SESTD1: variants seen among roughly 807,000 people sequenced by gnomAD.
The protein encoded by SESTD1 is SEC14 domain and spectrin repeat-containing protein 1.
A neutral mutation model predicts 101.7 loss-of-function variants in SESTD1; 43 were observed. That is an observed-to-expected ratio of 0.42 (90% CI 0.33 to 0.55). The LOEUF is 0.55. SESTD1 is among the 20% of genes least tolerant of loss of function. SESTD1 has a pLI of 0.07. For synonymous variants in SESTD1, 283 were observed against 286.8 expected (o/e 0.99, Z 0.13); for missense variants, 647 against 815.1 (o/e 0.79, Z 2.51).
chr2:179,251,236 T>G (rs191722605), intron 1 of SESTD1, among the ~76,000 whole-genome samples: 4 of 152,292 alleles, frequency 2.6e-5, no homozygotes, highest in Admixed American at 2.6e-4. Context: ...AATTGGAGAA[T>G]AATGGCTGCC....
chr2:179,120,861 T>C (rs570959521), intron 13 of SESTD1, among the ~76,000 whole-genome samples: 2 of 152,306 alleles, frequency 1.3e-5, no homozygotes, highest in East Asian at 1.9e-4. Context: ...GAGGAAGACG[T>C]ACCCATATGT....
chr2:179,220,232 AC>A (rs1331959034), intron 1 of SESTD1, among the ~76,000 whole-genome samples: 3 of 152,058 alleles, frequency 2.0e-5, no homozygotes, highest in African/African-American at 7.2e-5. Context: ...ATTCTACCAA[AC>A]CCTTATCAAC....
intron 1 of SESTD1, among the ~76,000 whole-genome samples, chr2:179,229,748 CTTATATATAT>C (rs1407745761): frequency 1.4e-5 from 1 of 71,886 alleles, no homozygotes; most frequent in Non-Finnish European, 2.5e-5. Flanking sequence ...TTTGTAAGAA[CTTATATATAT>C]ATATATATAT....
chr2:179,183,806 G>T (rs1031268558), intron 2 of SESTD1, among the ~76,000 whole-genome samples: 3 of 147,950 alleles, frequency 2.0e-5, no homozygotes, highest in African/African-American at 7.5e-5. Flanking sequence ...TAGCAAGATT[G>T]CATGGAAAGA....
intron 13 of SESTD1, among the ~76,000 whole-genome samples, chr2:179,120,189 A>T (rs1168533287): frequency 6.6e-6 from 1 of 151,858 alleles, no homozygotes; most frequent in Admixed American, 6.6e-5. Context: ...TGATCATACC[A>T]CTGCACTCCA....
intron 1 of SESTD1, among the ~76,000 whole-genome samples, chr2:179,223,427 C>T (rs772741779): frequency 1.2e-4 from 18 of 151,580 alleles, no homozygotes; most frequent in Non-Finnish European, 2.5e-4. Context: ...ATTCATGATA[C>T]GTAAATTTCA....
Position 179,237,098 on chromosome 2 carries a change from T to C in SESTD1, c.-26+27401A>G, listed in dbSNP as rs79649728. Among the ~76,000 whole-genome samples the C allele has an allele frequency of 8.4e-3, 1,281 of 152,188 alleles. 10 individuals carry two copies. Among genetic ancestry groups the C allele is most frequent in the African/African-American group, 0.029 (1,194 of 41,536 alleles). The stretch of plus-strand genomic sequence containing the variant: ...ATTGCAAATGTTGCACTTGCCCTCC[T>C]TTCTAAGGGACAAATGAAATTATTT... On this transcript the variant is annotated intron_variant, in intron 1 of 17. Transcript: ENST00000428443.
intron 3 of SESTD1, among the ~76,000 whole-genome samples, chr2:179,178,406 G>C (rs1427164835): frequency 6.6e-6 from 1 of 152,156 alleles, no homozygotes; most frequent in Non-Finnish European, 1.5e-5. Flanking sequence ...TAGAGCAAGA[G>C]GATGGCTTGA....
At chr2:179,219,452 A>C (rs1006071759) in intron 1 of SESTD1, among the ~76,000 whole-genome samples, 1 of 152,362 alleles carries the variant, frequency 6.6e-6, no homozygotes, top group East Asian at 1.9e-4. Context: ...GTAGACACAA[A>C]ATGGCAATGA....
At position 179,102,261 on chromosome 2, in the gene SESTD1, C is replaced by A. The variant is rs991221690; in HGVS notation, c.*7638G>T. On this transcript the variant is annotated 3_prime_UTR_variant, in exon 18 of 18. Coordinates refer to ENST00000428443, the MANE Select transcript of SESTD1 (RefSeq NM_178123.5). ...GCAGAAGCCTCTGTCTTCTAAGACT[C>A]CAGGTTATTTCAGAATATACAAGTT... The A allele has an allele frequency of 2.0e-5, 3 of 152,026 alleles. No homozygotes were observed. Among genetic ancestry groups the A allele is most frequent in the African/African-American group, 7.2e-5 (3 of 41,388 alleles). 9.4% of individuals were successfully genotyped at this position (152,026 alleles called of 1,614,324 possible). A position where few individuals can be genotyped will look rare whatever the true frequency, so the allele number is the denominator to read the frequency against.
chr2:179,206,361 T>A (rs2046591278), intron 1 of SESTD1, among the ~76,000 whole-genome samples: 1 of 136,312 alleles, frequency 7.3e-6, no homozygotes, highest in Non-Finnish European at 1.6e-5. Flanking sequence ...AAAGTCAGCC[T>A]CTGAACACAC....
intron 2 of SESTD1, among the ~76,000 whole-genome samples, chr2:179,189,335 T>C (rs992390491): frequency 1.3e-5 from 2 of 152,174 alleles, no homozygotes; most frequent in Non-Finnish European, 2.9e-5. Flanking sequence ...ATCATCTCAA[T>C]AGATGCAGAA....
At chr2:179,217,498 G>A (rs1427430336) in intron 1 of SESTD1, among the ~76,000 whole-genome samples, 1 of 152,184 alleles carries the variant, frequency 6.6e-6, no homozygotes, top group African/African-American at 2.4e-5. Flanking sequence ...AGAGGATGTG[G>A]AGAAATAAAA....
chr2:179,147,166 A>C (rs2045413579), intron 7 of SESTD1, among the ~76,000 whole-genome samples: 1 of 151,970 alleles, frequency 6.6e-6, no homozygotes, highest in Non-Finnish European at 1.5e-5. Flanking sequence ...TGAAAAAAAA[A>C]ACAGACAGCT....
In SESTD1 at chr2:179,108,288, AC is replaced by A. The variant is rs755083354; in HGVS notation, c.*1610del. 4 of 152,178 alleles carry A rather than the reference AC, an allele frequency of 2.6e-5. No individual in the cohort carries two copies. The highest frequency in any genetic ancestry group is 4.4e-5 in the Non-Finnish European group (3 of 68,042). 9.4% of individuals were successfully genotyped at this position (152,178 alleles called of 1,614,324 possible). ...TCTTAAATTAGGGTTATGCGACTGT[AC>A]TCACAGTTATTTCAGAGGATAGCAT... On this transcript the variant is annotated 3_prime_UTR_variant, in exon 18 of 18. Transcript: ENST00000428443.
chr2:179,258,676 C>T lies in SESTD1; in HGVS notation c.-26+5823G>A, dbSNP rs535364293. Among the ~76,000 whole-genome samples, 15 of 152,282 alleles carry T rather than the reference C, an allele frequency of 9.9e-5. No individual in the cohort carries two copies. The South Asian group carries it at 2.7e-3, about 27-fold the overall frequency. On this transcript the variant is annotated intron_variant, in intron 1 of 17. Coordinates refer to ENST00000428443, the MANE Select transcript of SESTD1 (RefSeq NM_178123.5). ...CTCAGCTCTCACACACACATGCACA[C>T]GCACGTGCATGCATGCACACACACA...
chr2:179,197,650 A>G (rs1187011157), intron 1 of SESTD1, among the ~76,000 whole-genome samples: 1 of 152,246 alleles, frequency 6.6e-6, no homozygotes, highest in Non-Finnish European at 1.5e-5. Context: ...GTGGGGGCCA[A>G]TATTCAACAT....
At chr2:179,147,086 C>T (rs1402109609) in intron 7 of SESTD1, among the ~76,000 whole-genome samples, 1 of 151,780 alleles carries the variant, frequency 6.6e-6, no homozygotes, top group Non-Finnish European at 1.5e-5. Flanking sequence ...TGGTCTCATG[C>T]TAAATTTTTC....
At position 179,146,431 on chromosome 2, in the gene SESTD1, GA is replaced by G; in HGVS notation, c.607del (p.Ser203ArgfsTer46). 6.2e-7 allele frequency: 1 copy of G among 1,612,782 alleles called. No individual in the cohort carries two copies. The highest frequency in any genetic ancestry group is 8.5e-7 in the Non-Finnish European group (1 of 1,179,530). Reference sequence around the variant, plus strand: ...CTGAAGAACTGTTTCAGGATCAACCGATGGAAGAAAGTTTAAATCCACAGAC... The same window carrying G: ...CTGAAGAACTGTTTCAGGATCAACCGTGGAAGAAAGTTTAAATCCACAGAC... ...ERSVDLNFLPSVDPETVLQTG... is the reference protein window; with the variant it reads ...ERSVDLNFLPXVDPETVLQTG... On this transcript the variant is annotated frameshift_variant, in exon 8 of 18. Transcript: ENST00000428443. LOFTEE classifies it high-confidence loss of function.
Sources: gnomAD v4.1 joint callset for allele counts (sites outside exome capture counted in the v4.1 genomes callset) on GRCh38, gnomAD v4.1.1 for gene constraint, MANE v1.5 for transcripts, NCBI Gene and HGNC (gene_info 2026-07-23, HGNC 2026-07-21) for gene names.